Variants in POR observed in about 807,000 individuals in gnomAD.
POR encodes cytochrome p450 oxidoreductase.
A neutral mutation model predicts 84.0 loss-of-function variants in POR; 56 were observed. The observed-to-expected ratio is 0.67, with a 90% CI of 0.54 to 0.83. POR has a LOEUF of 0.83. POR is among the 40% of genes least tolerant of loss of function. The probability of loss-of-function intolerance (pLI) is 0.00; values close to 1 mark genes in which losing one functional copy is unlikely to be tolerated. For missense variants in POR, 938 were observed against 944.3 expected (o/e 0.99, Z 0.09); for synonymous variants, 414 against 400.5 (o/e 1.03, Z -0.40).
intron 3 of POR, among the ~76,000 whole-genome samples, chr7:75,976,403 A>C (rs1788690442): frequency 6.6e-6 from 1 of 151,334 alleles, no homozygotes; most frequent in Non-Finnish European, 1.5e-5. Flanking sequence ...AGATCGCACC[A>C]CTGCACTCCA....
intron 2 of POR, among the ~76,000 whole-genome samples, chr7:75,959,581 A>G (rs1241378155): frequency 1.3e-5 from 2 of 152,142 alleles, no homozygotes; most frequent in Non-Finnish European, 2.9e-5. Flanking sequence ...TCAGCCTCCC[A>G]AGTTGCTGGG....
chr7:75,979,981 T>C (rs1178183812), intron 4 of POR, among the ~76,000 whole-genome samples: 1 of 152,180 alleles, frequency 6.6e-6, no homozygotes, highest in Non-Finnish European at 1.5e-5. Flanking sequence ...TAGATATCAG[T>C]GTGCACCGGG....
chr7:75,953,634 C>T (rs1185247124), intron 1 of POR, among the ~76,000 whole-genome samples: 8 of 152,154 alleles, frequency 5.3e-5, no homozygotes, highest in Non-Finnish European at 2.9e-5. Flanking sequence ...CTCCCGCCTG[C>T]CCCCCGTGCG....
intron 1 of POR, chr7:75,923,094 T>C: frequency 1.4e-6 from 1 of 737,014 alleles, no homozygotes; most frequent in Admixed American, 1.9e-5. Flanking sequence ...AACCTAAAAA[T>C]GCAGCGTATA....
chr7:75,986,379 C>A lies in POR; in HGVS notation c.1941C>A (p.Tyr647Ter). ...CCAGGGATGTGCAGAACACCTTCTA[C>A]GACATCGTGGCTGAGCTCGGGGCCA... is the stretch of plus-strand genomic sequence containing the variant. Residue 647 changes from tyrosine to a stop codon, truncating the protein, a stop_gained, in exon 16 of 16, where the codon TAC becomes TAA. Transcript: ENST00000461988. LOFTEE classifies it high-confidence loss of function. 1 of 1,612,580 alleles carries A rather than the reference C, an allele frequency of 6.2e-7. No individual in the cohort carries two copies. The highest frequency in any genetic ancestry group is 8.5e-7 in the Non-Finnish European group (1 of 1,179,856).
intron 2 of POR, among the ~76,000 whole-genome samples, chr7:75,963,498 G>A (rs1788038445): frequency 6.6e-6 from 1 of 152,238 alleles, no homozygotes; most frequent in South Asian, 2.1e-4. Flanking sequence ...GACATGGGCT[G>A]TCGGGAACTG....
intron 1 of POR, chr7:75,922,758 G>A: frequency 2.3e-6 from 1 of 437,590 alleles, no homozygotes. Context: ...TAGAAAGATG[G>A]CAAAGCAGGA....
intron 2 of POR, among the ~76,000 whole-genome samples, chr7:75,970,505 G>A (rs1041824704): frequency 1.3e-5 from 2 of 151,810 alleles, no homozygotes; most frequent in African/African-American, 4.8e-5. Flanking sequence ...CCACCACACC[G>A]GGCTAATTAA....
chr7:75,976,695 C>G (rs944112006), intron 3 of POR, among the ~76,000 whole-genome samples: 15 of 151,366 alleles, frequency 9.9e-5, no homozygotes, highest in Non-Finnish European at 2.2e-4. Context: ...TTCAGTGAGC[C>G]GAGATCGCAC....
At chr7:75,973,229 G>A (rs948089026) in intron 3 of POR, among the ~76,000 whole-genome samples, 7 of 152,082 alleles carry the variant, frequency 4.6e-5, no homozygotes, top group Admixed American at 3.3e-4. Flanking sequence ...CATCCCCACT[G>A]TTCTTATTAT....
At chr7:75,962,391 T>C (rs1787977586) in intron 2 of POR, among the ~76,000 whole-genome samples, 1 of 152,158 alleles carries the variant, frequency 6.6e-6, no homozygotes, top group African/African-American at 2.4e-5. Context: ...CCTCCCAGGC[T>C]TAAGGGGATC....
chr7:75,984,392 C>T (rs1180297591), intron 10 of POR, among the ~76,000 whole-genome samples: 1 of 152,202 alleles, frequency 6.6e-6, no homozygotes, highest in East Asian at 1.9e-4. Context: ...CACCTCGCCC[C>T]ACCCCTGCTT....
chr7:75,981,429 G>C lies in POR; in HGVS notation c.642-88G>C, dbSNP rs1384703146. 36 of 1,333,558 alleles carry C rather than the reference G, an allele frequency of 2.7e-5. No homozygotes were observed. The Admixed American group carries it at 5.5e-4, about 20-fold the overall frequency. 82.6% of individuals were successfully genotyped at this position (1,333,558 alleles called of 1,614,324 possible). A position where few individuals can be genotyped will look rare whatever the true frequency, so the allele number is the denominator to read the frequency against. ...GTGCACAGTCCTGAGCTTTGGGGAT[G>C]GGGTGGGGTCGGGGCGTGCCTGGCA... On this transcript the variant is annotated intron_variant, in intron 6 of 15. Coordinates refer to ENST00000461988, the MANE Select transcript of POR (RefSeq NM_000941.3).
chr7:75,933,470 C>CCT (rs1210772472), intron 1 of POR, among the ~76,000 whole-genome samples: 2 of 145,716 alleles, frequency 1.4e-5, no homozygotes, highest in Admixed American at 7.1e-5. Context: ...CTCACTGCAA[C>CCT]CTCTGCCTCC....
chr7:75,941,598 AT>A (rs1554551500), intron 1 of POR, among the ~76,000 whole-genome samples: 1 of 152,130 alleles, frequency 6.6e-6, no homozygotes, highest in East Asian at 1.9e-4. Flanking sequence ...GGTAATAAAT[AT>A]TTTTTAGGCT....
rs149869942 is a variant in POR at position 75,922,849 on chromosome 7, T to G, written c.-5+7670T>G. The stretch of plus-strand genomic sequence containing the variant: ...AGGCCTCAAAGCCACCCAGTCAAAG[T>G]AGGCACTTTTGGCAAAGGAGGAGCA... On this transcript the variant is annotated intron_variant, in intron 1 of 15. Coordinates refer to ENST00000461988, the MANE Select transcript of POR (RefSeq NM_000941.3). The G allele has an allele frequency of 3.7e-4, 206 of 561,426 alleles. No homozygotes were observed. The East Asian group carries it at 3.7e-3, about 10-fold the overall frequency. 34.8% of individuals were successfully genotyped at this position (561,426 alleles called of 1,614,324 possible). A position where few individuals can be genotyped will look rare whatever the true frequency, so the allele number is the denominator to read the frequency against.
chr7:75,932,539 A>G (rs1563402734), intron 1 of POR, among the ~76,000 whole-genome samples: 1 of 152,094 alleles, frequency 6.6e-6, no homozygotes. Flanking sequence ...TTGAAAATAT[A>G]TCAATCCTGT....
chr7:75,924,115 C>A (rs1236622930), intron 1 of POR, among the ~76,000 whole-genome samples: 2 of 152,066 alleles, frequency 1.3e-5, no homozygotes, highest in African/African-American at 4.8e-5. Flanking sequence ...CCCTAAGAGT[C>A]CTGCAGCAGT....
At chr7:75,931,989 G>T (rs1316116809) in intron 1 of POR, among the ~76,000 whole-genome samples, 7 of 152,138 alleles carry the variant, frequency 4.6e-5, no homozygotes, top group African/African-American at 1.7e-4. Flanking sequence ...CTGCTGCTAG[G>T]CCTCTGTGCA....
Sources: gnomAD v4.1 joint callset for allele counts (sites outside exome capture counted in the v4.1 genomes callset) on GRCh38, gnomAD v4.1.1 for gene constraint, MANE v1.5 for transcripts, NCBI Gene and HGNC (gene_info 2026-07-23, HGNC 2026-07-21) for gene names.